Variants in SYT17 observed in about 807,000 individuals in gnomAD.
The protein encoded by SYT17 is synaptotagmin 17, also known as synaptotagmin-17.
Under a neutral mutation model 46.7 loss-of-function variants are expected in SYT17, and 22 were observed. The observed-to-expected ratio is 0.47, with a 90% CI of 0.34 to 0.67. The LOEUF is 0.67. SYT17 is among the 30% of genes least tolerant of loss of function. The pLI, the probability that SYT17 is intolerant of heterozygous loss-of-function variation, is 0.01. For synonymous variants in SYT17, 251 were observed against 248.4 expected (o/e 1.01, Z -0.10); for missense variants, 519 against 612.8 (o/e 0.85, Z 1.62).
intron 7 of SYT17, among the ~76,000 whole-genome samples, chr16:19,260,550 C>T (rs1361934673): frequency 4.9e-5 from 7 of 143,570 alleles, no homozygotes; most frequent in African/African-American, 7.6e-5. Flanking sequence ...AAAAAGAATT[C>T]GTTCTATCAG....
chr16:19,250,089 T>G (rs1967931713), intron 7 of SYT17: 1 of 1,508,284 alleles, frequency 6.6e-7, no homozygotes. Flanking sequence ...GTTGGTTGTG[T>G]GTCTGGTTGC....
At chr16:19,208,864 A>G (rs916410786) in intron 5 of SYT17, among the ~76,000 whole-genome samples, 15 of 135,114 alleles carry the variant, frequency 1.1e-4, no homozygotes, top group Admixed American at 3.0e-4. Context: ...ATCTTATTTA[A>G]TCACTTCTAC....
intron 3 of SYT17, 175 bp from the exon 4 acceptor site, chr16:19,180,216 A>G (rs978896753): frequency 1.6e-6 from 1 of 609,486 alleles, no homozygotes; most frequent in Non-Finnish European, 2.9e-6. Flanking sequence ...ATTTTGTGCA[A>G]AAAGCAAGAC....
chr16:19,195,486 C>T (rs1363142733), intron 5 of SYT17, among the ~76,000 whole-genome samples: 1 of 151,094 alleles, frequency 6.6e-6, no homozygotes, highest in Non-Finnish European at 1.5e-5. Context: ...GAGGCTGAGG[C>T]AGGCAGATCA....
At chr16:19,240,259 G>A (rs1429233450) in intron 7 of SYT17, among the ~76,000 whole-genome samples, 1 of 152,194 alleles carries the variant, frequency 6.6e-6, no homozygotes. Context: ...CTGCATCCAG[G>A]AAGAATGAGG....
intron 7 of SYT17, among the ~76,000 whole-genome samples, chr16:19,251,779 C>A (rs777975670): frequency 2.6e-5 from 4 of 152,218 alleles, no homozygotes; most frequent in Non-Finnish European, 5.9e-5. Context: ...GAGCCTCCAT[C>A]TATTTCTCTG....
intron 7 of SYT17, 26 bp downstream of exon 7, chr16:19,224,864 A>C: frequency 6.2e-7 from 1 of 1,612,798 alleles, no homozygotes; most frequent in Non-Finnish European, 8.5e-7. Context: ...AAACCCGATG[A>C]ACTCCAGGTG....
chr16:19,257,123 A>T (rs1158867781), intron 7 of SYT17, among the ~76,000 whole-genome samples: 2 of 152,224 alleles, frequency 1.3e-5, no homozygotes, highest in African/African-American at 4.8e-5. Context: ...ATTTGCTGTT[A>T]CTGATTTTTA....
intron 5 of SYT17, among the ~76,000 whole-genome samples, chr16:19,220,303 C>CTTTCTTTTTTTTTTTTTTTTTTTTTT (rs776097400): frequency 1.2e-5 from 1 of 80,514 alleles, no homozygotes; most frequent in Non-Finnish European, 2.2e-5. Flanking sequence ...TTCTTTCTTT[C>CTTTCTTTTTTTTTTTTTTTTTTTTTT]TTTTTTTTTT....
intron 5 of SYT17, among the ~76,000 whole-genome samples, chr16:19,205,830 G>A (rs528957701): frequency 6.6e-6 from 1 of 152,162 alleles, no homozygotes; most frequent in African/African-American, 2.4e-5. Flanking sequence ...TATCCCCGAT[G>A]CCAGCTTTGT....
In SYT17 at chr16:19,183,716, C is replaced by G. The variant is rs760275669; in HGVS notation, c.520C>G (p.Leu174Val). Residue 174 changes from leucine (L) to valine (V), a missense_variant, in exon 5 of 8, where the codon CTG (leucine) becomes GTG (valine). Transcript: ENST00000355377. The surrounding 1 kb of genome is among the most constrained non-coding windows in gnomAD (Gnocchi z 5.6). ...LDSNSDDVDSLTDEEILSKYQ... is the reference protein window; with the variant it reads ...LDSNSDDVDSVTDEEILSKYQ... The stretch of plus-strand genomic sequence containing the variant: ...CTCCAACAGCGACGATGTGGACTCT[C>G]TGACAGACGAGGAGATCCTGTCCAA... 6.2e-7 allele frequency: 1 copy of G among 1,614,256 alleles called. No individual in the cohort carries two copies. The highest frequency in any genetic ancestry group is 1.1e-5 in the South Asian group (1 of 91,086).
chr16:19,170,564 T>G (rs1017254395), intron 1 of SYT17: 1 of 152,170 alleles, frequency 6.6e-6, no homozygotes, highest in Non-Finnish European at 1.5e-5. Flanking sequence ...CTCTTTCATC[T>G]TCTTTGCTTT....
chr16:19,240,331 C>T (rs1324895121), intron 7 of SYT17, among the ~76,000 whole-genome samples: 1 of 149,848 alleles, frequency 6.7e-6, no homozygotes, highest in Non-Finnish European at 1.5e-5. Flanking sequence ...TACAACAGCT[C>T]AGAGGGGACC....
chr16:19,246,008 A>AT (rs1425219592), intron 7 of SYT17, among the ~76,000 whole-genome samples: 3 of 151,080 alleles, frequency 2.0e-5, no homozygotes, highest in African/African-American at 7.3e-5. Context: ...TATATTATTT[A>AT]TTTATTTTTT....
At chr16:19,266,833 C>G (rs1969394648) in intron 7 of SYT17, 47 bp from the exon 8 acceptor site, 1 of 1,570,644 alleles carries the variant, frequency 6.4e-7, no homozygotes, top group South Asian at 1.2e-5. Flanking sequence ...TTCTGTTCCC[C>G]TCCTTCCTCT....
At chr16:19,245,627 C>G (rs952667715) in intron 7 of SYT17, among the ~76,000 whole-genome samples, 1 of 152,188 alleles carries the variant, frequency 6.6e-6, no homozygotes, top group African/African-American at 2.4e-5. Flanking sequence ...CCAGAGCATG[C>G]TGAGTGAGTC....
chr16:19,266,978 A>G lies in SYT17; in HGVS notation c.1327A>G (p.Met443Val), dbSNP rs561669771. The G allele has an allele frequency of 6.2e-6, 10 of 1,613,820 alleles. No individual in the cohort carries two copies. The highest frequency in any genetic ancestry group is 1.1e-5 in the South Asian group (1 of 91,030). ...GPSETNHWRR[M>V]LNTHRTAVEQ... ...CTCTGAGACCAACCACTGGAGGCGCATGCTCAACACGCACCGCACAGCCGT... is the reference window on the plus strand; with the variant it reads ...CTCTGAGACCAACCACTGGAGGCGCGTGCTCAACACGCACCGCACAGCCGT... Residue 443 changes from methionine (M) to valine (V), a missense_variant, in exon 8 of 8, where the codon ATG becomes GTG. Physicochemically the swap from Met to Val is conservative, Grantham distance 21. Coordinates refer to ENST00000355377, the MANE Select transcript of SYT17 (RefSeq NM_016524.4).
chr16:19,246,037 A>C (rs1234514674), intron 7 of SYT17, among the ~76,000 whole-genome samples: 1 of 150,356 alleles, frequency 6.7e-6, no homozygotes, highest in Non-Finnish European at 1.5e-5. Context: ...ACAGAGTCTC[A>C]CTCTGTCATC....
intron 5 of SYT17, among the ~76,000 whole-genome samples, chr16:19,187,613 A>G (rs909664480): frequency 3.9e-5 from 6 of 152,180 alleles, no homozygotes; most frequent in South Asian, 2.1e-4. Context: ...AAAGAGAGGC[A>G]CTGGAGACTC....
Sources: gnomAD v4.1 joint callset for allele counts (sites outside exome capture counted in the v4.1 genomes callset) on GRCh38, gnomAD v4.1.1 for gene constraint, Gnocchi (gnomAD v3.1) non-coding constraint, MANE v1.5 for transcripts, NCBI Gene and HGNC (gene_info 2026-07-23, HGNC 2026-07-21) for gene names.